KCNIP4: variants seen among roughly 807,000 people sequenced by gnomAD.
The protein encoded by KCNIP4 is Kv channel-interacting protein 4.
Under a neutral mutation model 34.0 loss-of-function variants are expected in KCNIP4, and 12 were observed. The observed-to-expected ratio is 0.35, with a 90% CI of 0.23 to 0.57. KCNIP4 has a LOEUF of 0.57. Ranked by LOEUF, KCNIP4 falls within the 20% of genes least tolerant of loss-of-function variation. KCNIP4 has a pLI of 0.83. For missense variants in KCNIP4, 238 were observed against 311.7 expected (o/e 0.76, Z 1.78); for synonymous variants, 124 against 102.2 (o/e 1.21, Z -1.29).
intron 1 of KCNIP4, among the ~76,000 whole-genome samples, chr4:21,548,012 A>G (rs190141612): frequency 1.1e-3 from 165 of 152,194 alleles, no homozygotes; most frequent in Non-Finnish European, 1.9e-3. Flanking sequence ...CCTGACTCTG[A>G]ATTTATATGC....
chr4:20,750,380 G>T (rs564107683), intron 4 of KCNIP4, among the ~76,000 whole-genome samples: 17 of 152,172 alleles, frequency 1.1e-4, no homozygotes, highest in Non-Finnish European at 1.6e-4. Flanking sequence ...AGTTTCTGTG[G>T]CTGTGTTGGA....
In KCNIP4 at chr4:21,556,930, A is replaced by AAAAAAAAAAAAAAAAAAAAAAAC. The variant is rs1553903108; in HGVS notation, c.61+391640_61+391641insGTTTTTTTTTTTTTTTTTTTTTT. ...AGCAAGACTCCATCTCAGAAAAAAA[A>AAAAAAAAAAAAAAAAAAAAAAAC]AAAAAAAAAAAAACCAGAAAACAAA... On this transcript the variant is annotated intron_variant, in intron 1 of 8. Transcript: ENST00000382152. Among the ~76,000 whole-genome samples, 112 of 108,180 alleles carry AAAAAAAAAAAAAAAAAAAAAAAC rather than the reference A, an allele frequency of 1.0e-3. 4 individuals carry two copies. Among genetic ancestry groups the AAAAAAAAAAAAAAAAAAAAAAAC allele is most frequent in the Non-Finnish European group, 1.7e-3 (87 of 49,856 alleles). 71.0% of individuals were successfully genotyped at this position (108,180 alleles called of 152,430 possible).
At chr4:21,837,206 C>T (rs1430857715) in intron 1 of KCNIP4, among the ~76,000 whole-genome samples, 3 of 150,176 alleles carry the variant, frequency 2.0e-5, no homozygotes, top group African/African-American at 4.9e-5. Flanking sequence ...GCGTGAGCCC[C>T]GCGATCGGCC....
chr4:20,735,867 C>T (rs116240267), intron 5 of KCNIP4, among the ~76,000 whole-genome samples: 2,479 of 152,148 alleles, frequency 0.016, 31 homozygotes, highest in Non-Finnish European at 0.027. Flanking sequence ...GCAGGGTTAA[C>T]GTTACAATGT....
At chr4:21,179,289 G>A (rs1162405112) in intron 1 of KCNIP4, among the ~76,000 whole-genome samples, 1 of 152,036 alleles carries the variant, frequency 6.6e-6, no homozygotes, top group Non-Finnish European at 1.5e-5. Flanking sequence ...TGCACTTTCT[G>A]CTCACTCTGG....
intron 1 of KCNIP4, among the ~76,000 whole-genome samples, chr4:21,641,803 T>C (rs746620549): frequency 1.3e-5 from 2 of 152,136 alleles, no homozygotes; most frequent in African/African-American, 4.8e-5. Flanking sequence ...AGGTTATGCA[T>C]TGGCTCAGAA....
chr4:21,769,403 T>C (rs1718631029), intron 1 of KCNIP4, among the ~76,000 whole-genome samples: 1 of 152,144 alleles, frequency 6.6e-6, no homozygotes, highest in Non-Finnish European at 1.5e-5. Context: ...TGGTCATATA[T>C]TATTTGATTT....
intron 1 of KCNIP4, among the ~76,000 whole-genome samples, chr4:21,394,739 T>C (rs901668190): frequency 2.2e-4 from 33 of 152,274 alleles, no homozygotes; most frequent in Non-Finnish European, 3.2e-4. Flanking sequence ...TAGATCATCC[T>C]TTGACTTGAA....
rs1356307707 is a variant in KCNIP4, at chr4:20,954,328, G to T, written c.62-71619C>A. Among the ~76,000 whole-genome samples the T allele has an allele frequency of 2.0e-5, 3 of 152,278 alleles. No individual in the cohort carries two copies. The East Asian group carries it at 5.8e-4, about 29-fold the overall frequency. ...TTCTTAAAATCCTGGGTCTCACTCAGCCTGAGACCATGAAATCAATGTGGT... is the reference window on the plus strand; with the variant it reads ...TTCTTAAAATCCTGGGTCTCACTCATCCTGAGACCATGAAATCAATGTGGT... On this transcript the variant is annotated intron_variant, in intron 1 of 8. Coordinates refer to ENST00000382152, the MANE Select transcript of KCNIP4 (RefSeq NM_025221.6).
At chr4:21,215,848 G>T (rs1483482110) in intron 1 of KCNIP4, among the ~76,000 whole-genome samples, 1 of 152,130 alleles carries the variant, frequency 6.6e-6, no homozygotes, top group Non-Finnish European at 1.5e-5. Flanking sequence ...ACAGGGTCTT[G>T]CTTTGTCCCC....
At chr4:21,663,131 A>G (rs1306648483) in intron 1 of KCNIP4, among the ~76,000 whole-genome samples, 3 of 152,214 alleles carry the variant, frequency 2.0e-5, no homozygotes, top group South Asian at 2.1e-4. Context: ...TCAGTTTTCT[A>G]AACTGATAAT....
chr4:20,896,597 C>A (rs1565534), intron 1 of KCNIP4, among the ~76,000 whole-genome samples: 86,658 of 151,798 alleles, frequency 0.57, 25,402 homozygotes, highest in East Asian at 0.83. Context: ...CCGTAATGAC[C>A]AGGAGCCAGG....
chr4:20,906,684 C>T (rs1243766861), intron 1 of KCNIP4, among the ~76,000 whole-genome samples: 1 of 152,194 alleles, frequency 6.6e-6, no homozygotes, highest in Non-Finnish European at 1.5e-5. Flanking sequence ...ACATATTTTG[C>T]ACATTAGAGC....
intron 2 of KCNIP4, among the ~76,000 whole-genome samples, chr4:20,868,178 C>T (rs1583425): frequency 0.44 from 66,695 of 151,774 alleles, 16,624 homozygotes; most frequent in African/African-American, 0.69. Flanking sequence ...CCTTTAAAAA[C>T]GGGCAAAGGA....
intron 1 of KCNIP4, among the ~76,000 whole-genome samples, chr4:21,691,875 T>A (rs183364259): frequency 1.1e-4 from 16 of 152,056 alleles, no homozygotes; most frequent in Admixed American, 7.9e-4. Flanking sequence ...ACTTCTTGTA[T>A]CTTTAGTAGA....
intron 1 of KCNIP4, among the ~76,000 whole-genome samples, chr4:21,231,083 C>G (rs1195486180): frequency 6.6e-6 from 1 of 152,124 alleles, no homozygotes; most frequent in Non-Finnish European, 1.5e-5. Context: ...ATAGCAGCCT[C>G]AAGAGATAAT....
chr4:21,829,726 G>A (rs1211930497), intron 1 of KCNIP4, among the ~76,000 whole-genome samples: 3 of 151,700 alleles, frequency 2.0e-5, no homozygotes, highest in South Asian at 2.1e-4. Context: ...AAAAATTAAC[G>A]TAATAGCAGA....
intron 1 of KCNIP4, among the ~76,000 whole-genome samples, chr4:20,953,197 G>A (rs962391580): frequency 6.6e-6 from 1 of 152,186 alleles, no homozygotes; most frequent in Non-Finnish European, 1.5e-5. Flanking sequence ...TCAAGTGTGA[G>A]TTACCTGTTC....
At chr4:21,247,066 A>C (rs912035025) in intron 1 of KCNIP4, among the ~76,000 whole-genome samples, 2 of 152,146 alleles carry the variant, frequency 1.3e-5, no homozygotes, top group Non-Finnish European at 2.9e-5. Context: ...CAAATCAGCA[A>C]AGTTAAGATT....
Sources: allele counts gnomAD v4.1 joint callset (sites outside exome capture counted in the v4.1 genomes callset), GRCh38; gene constraint gnomAD v4.1.1; transcripts MANE v1.5; gene names NCBI Gene and HGNC (gene_info 2026-07-23, HGNC 2026-07-21).